ZFHX3: variants seen among roughly 807,000 people sequenced by gnomAD.
ZFHX3 encodes the protein zinc finger homeobox protein 3.
A neutral mutation model predicts 279.1 loss-of-function variants in ZFHX3; 42 were observed. The ratio of observed to expected loss-of-function variants is 0.15; its 90% CI spans 0.12 to 0.19. The LOEUF (loss-of-function observed/expected upper bound fraction) is 0.19, where lower values mean the gene tolerates loss of function less well. Ranked by LOEUF, ZFHX3 falls within the 10% of genes least tolerant of loss-of-function variation. ZFHX3 has a pLI of 1.00. For synonymous variants in ZFHX3, 2,293 were observed against 1,957.8 expected, an observed-to-expected ratio of 1.17 and a Z score of -4.52; for missense variants, 4,981 against 4,754.0, an observed-to-expected ratio of 1.05 and a Z score of -1.40.
intron 5 of ZFHX3, chr16:73,233,923 T>C (rs2012859421): frequency 6.6e-6 from 1 of 152,026 alleles, no homozygotes; most frequent in South Asian, 2.1e-4. Flanking sequence ...GCAGGAGAAA[T>C]AGATTTTGCA....
At chr16:73,149,379 C>A (rs988272675) in intron 5 of ZFHX3, among the ~76,000 whole-genome samples, 2 of 151,646 alleles carry the variant, frequency 1.3e-5, no homozygotes, top group South Asian at 2.1e-4. Context: ...ACATGTGGGG[C>A]CTTCATTCAT....
At chr16:73,003,792 CA>C (rs1349826856) in intron 1 of ZFHX3, among the ~76,000 whole-genome samples, 1 of 151,772 alleles carries the variant, frequency 6.6e-6, no homozygotes, top group Non-Finnish European at 1.5e-5. Context: ...GTCAGAAATG[CA>C]GAGGCAGAAC....
intron 8 of ZFHX3, among the ~76,000 whole-genome samples, chr16:73,077,836 A>T (rs2144762498): frequency 6.6e-6 from 1 of 152,298 alleles, no homozygotes; most frequent in South Asian, 2.1e-4. Context: ...TTTGTGACAG[A>T]GTCTTGCTCC....
chr16:72,947,673 C>T (rs192290172), intron 3 of ZFHX3, among the ~76,000 whole-genome samples: 49 of 152,010 alleles, frequency 3.2e-4, no homozygotes, highest in African/African-American at 1.0e-3. Context: ...GCCGCCCTGG[C>T]TGATCATGAA....
At chr16:73,734,172 G>C (rs894667208) in intron 1 of ZFHX3, among the ~76,000 whole-genome samples, 6 of 152,100 alleles carry the variant, frequency 3.9e-5, no homozygotes, top group Non-Finnish European at 7.4e-5. Flanking sequence ...GGTAATGCTG[G>C]CTGGCTTCAC....
rs533968583 is a variant in ZFHX3, at chr16:72,851,765, G to T, written c.3449-21906C>A. Among the ~76,000 whole-genome samples the T allele has an allele frequency of 3.3e-5, 5 of 152,134 alleles. No individual in the cohort carries two copies. In the South Asian group the frequency reaches 1.0e-3, roughly 32 times the overall value. On this transcript the variant is annotated intron_variant, in intron 4 of 9. Coordinates refer to ENST00000268489, the MANE Select transcript of ZFHX3 (RefSeq NM_006885.4). ...GGGGTTTCACCATGTTGGCCAGGCTGGTCTCAAACTCCTGACCCCAAGTGA... is the reference window on the plus strand; with the variant it reads ...GGGGTTTCACCATGTTGGCCAGGCTTGTCTCAAACTCCTGACCCCAAGTGA...
chr16:73,500,318 T>TG (rs2019213886), intron 2 of ZFHX3: 1 of 142,302 alleles, frequency 7.0e-6, no homozygotes, highest in South Asian at 2.1e-4. Context: ...TTTGTTTTTT[T>TG]GTTTGTTTGT....
intron 3 of ZFHX3, among the ~76,000 whole-genome samples, chr16:72,949,573 T>C (rs1352390578): frequency 6.6e-6 from 1 of 151,576 alleles, no homozygotes; most frequent in African/African-American, 2.4e-5. Context: ...TTGCCGTCTA[T>C]GGAGTAGAGG....
chr16:73,552,259 T>C (rs1272381694), intron 2 of ZFHX3, among the ~76,000 whole-genome samples: 1 of 152,134 alleles, frequency 6.6e-6, no homozygotes, highest in African/African-American at 2.4e-5. Flanking sequence ...TTTCGGTAAT[T>C]TTTCCCACCT....
At chr16:72,865,422 C>T (rs911065229) in intron 4 of ZFHX3, among the ~76,000 whole-genome samples, 3 of 152,234 alleles carry the variant, frequency 2.0e-5, no homozygotes, top group African/African-American at 7.2e-5. Context: ...TTCATGGCGG[C>T]CCTGTGCTGG....
In ZFHX3 at chr16:72,797,758, T is replaced by G; in HGVS notation, c.4924A>C (p.Ser1642Arg). 6.2e-7 allele frequency: 1 copy of G among 1,614,176 alleles called. No individual in the cohort carries two copies. Among genetic ancestry groups the G allele is most frequent in the Non-Finnish European group, 8.5e-7 (1 of 1,180,032 alleles). Residue 1642 changes from serine to arginine, a missense_variant, in exon 9 of 10, where the codon AGC becomes CGC. Ser to Arg is a moderately radical substitution (Grantham distance 110). Around this residue, in one of 7 missense-constraint regions of ZFHX3, gnomAD observed 1,751 missense variants for 1,770.0 expected, o/e 0.99. Transcript: ENST00000268489. ...GAGGAGCTCAAGGAAATACTGCTGC[T>G]GTTCCCAGTCCCATTGCTGCTGCCA... ...ASGSSNGTGNSSSISLSSSTP... is the reference protein window; with the variant it reads ...ASGSSNGTGNRSSISLSSSTP...
At chr16:73,146,851 T>A (rs1433062647) in intron 5 of ZFHX3, among the ~76,000 whole-genome samples, 1 of 152,070 alleles carries the variant, frequency 6.6e-6, no homozygotes, top group African/African-American at 2.4e-5. Context: ...GATGTGGAAT[T>A]TCGCCATGTT....
intron 2 of ZFHX3, among the ~76,000 whole-genome samples, chr16:73,468,349 G>A (rs534663242): frequency 3.3e-3 from 496 of 152,312 alleles, no homozygotes; most frequent in Non-Finnish European, 4.9e-3. Context: ...ACGGTTCCTG[G>A]AAACTGACAT....
In ZFHX3 at chr16:72,785,522, T is replaced by TAA. The variant is rs1256435162; in HGVS notation, c.*1640_*1641dup. ...TGTTTTTCTCTTTCTTTTATTAAAC[T>TAA]AAGTCTTGTTTGTTTAAATCAGAAA... On this transcript the variant is annotated 3_prime_UTR_variant, in exon 10 of 10. Coordinates refer to ENST00000268489, the MANE Select transcript of ZFHX3 (RefSeq NM_006885.4). 5.2e-5 allele frequency: 8 copies of TAA among 152,756 alleles called. No individual in the cohort carries two copies. Among genetic ancestry groups the TAA allele is most frequent in the African/African-American group, 7.2e-5 (3 of 41,578 alleles). 9.5% of individuals were successfully genotyped at this position (152,756 alleles called of 1,614,324 possible).
At chr16:73,258,625 G>T (rs2013729810) in intron 4 of ZFHX3, among the ~76,000 whole-genome samples, 2 of 152,180 alleles carry the variant, frequency 1.3e-5, no homozygotes, top group African/African-American at 4.8e-5. Context: ...TGGGATTACA[G>T]GCGTGAGCCA....
At chr16:73,188,896 C>T (rs1188690834) in intron 5 of ZFHX3, among the ~76,000 whole-genome samples, 1 of 146,530 alleles carries the variant, frequency 6.8e-6, no homozygotes, top group Non-Finnish European at 1.5e-5. Flanking sequence ...TGGAGTCTTG[C>T]TCTTTTGCCC....
At chr16:73,436,037 GA>G (rs1440797699) in intron 3 of ZFHX3, among the ~76,000 whole-genome samples, 1 of 152,166 alleles carries the variant, frequency 6.6e-6, no homozygotes, top group Non-Finnish European at 1.5e-5. Context: ...AATTTATAAA[GA>G]AAAAGAGGTA....
At chr16:73,700,646 C>A (rs2053237994) in intron 1 of ZFHX3, among the ~76,000 whole-genome samples, 1 of 152,124 alleles carries the variant, frequency 6.6e-6, no homozygotes, top group Non-Finnish European at 1.5e-5. Context: ...ATATTTAAAC[C>A]ATTTTCAATC....
At position 72,787,716 on chromosome 16, in the gene ZFHX3, G is replaced by GCCGCCA. The variant is rs751344388; in HGVS notation, c.10559_10560insTGGCGG (p.Gly3526_Gly3527dup). Reference sequence around the variant, plus strand: ...ACGAGCCGCCGCCGCCGCCGCCGCCGCCACCGCCGCCGCCGCCGCCACTGC... The same window carrying GCCGCCA: ...ACGAGCCGCCGCCGCCGCCGCCGCCGCCGCCACCACCGCCGCCGCCGCCGCCACTGC... On this transcript the variant is annotated inframe_insertion, in exon 10 of 10. Transcript: ENST00000268489. The GCCGCCA allele has an allele frequency of 1.5e-6, 2 of 1,371,988 alleles. No individual in the cohort carries two copies. The allele number at this position is 1,371,988 out of a possible 1,614,324, so 85.0% of individuals were successfully genotyped here. A position where few individuals can be genotyped will look rare whatever the true frequency, so the allele number is the denominator to read the frequency against.
Sources: allele counts gnomAD v4.1 joint callset (sites outside exome capture counted in the v4.1 genomes callset), GRCh38; gene constraint gnomAD v4.1.1; regional missense constraint gnomAD v4.1.1; transcripts MANE v1.5; gene names NCBI Gene and HGNC (gene_info 2026-07-23, HGNC 2026-07-21).